Variants in TMEM121 observed in about 807,000 individuals in gnomAD.
TMEM121 encodes transmembrane protein 121A.
Under a neutral mutation model 16.4 loss-of-function variants are expected in TMEM121, and 8 were observed. That is an observed-to-expected ratio of 0.49 (90% CI 0.29 to 0.88). The LOEUF (loss-of-function observed/expected upper bound fraction) is 0.88, where lower values mean the gene tolerates loss of function less well. Ranked by LOEUF, TMEM121 falls within the 40% of genes least tolerant of loss-of-function variation. The pLI, the probability that TMEM121 is intolerant of heterozygous loss-of-function variation, is 0.09. For synonymous variants in TMEM121, 235 were observed against 226.2 expected (o/e 1.04, Z -0.35); for missense variants, 401 against 462.0 (o/e 0.87, Z 1.21).
chr14:105,529,302 C>T lies in TMEM121; in HGVS notation c.468C>T (p.Asp156=), dbSNP rs199985323. The T allele has an allele frequency of 1.8e-5, 27 of 1,538,718 alleles. No individual in the cohort carries two copies. The East Asian group carries it at 6.4e-4, about 36-fold the overall frequency. The change falls in exon 2 of 2, where the codon GAC becomes GAT. Residue 156 remains aspartate (D), a synonymous_variant. Coordinates refer to ENST00000392519, the MANE Select transcript of TMEM121 (RefSeq NM_025268.4). ...GCCGCCTGTTTTGGGTGGCGCTGGACCTGCTGGACCTGCTGGACATGCAGG... is the reference window on the plus strand; with the variant it reads ...GCCGCCTGTTTTGGGTGGCGCTGGATCTGCTGGACCTGCTGGACATGCAGG... The part of the protein sequence containing the change: ...LRGRLFWVAL[D]LLDLLDMQAS...
In TMEM121 at chr14:105,529,054, T is replaced by C. The variant is rs2084614386; in HGVS notation, c.220T>C (p.Tyr74His). Reference protein sequence around the residue: ...GAEVRTAKRGYAMILWFLYIF... With the variant: ...GAEVRTAKRGHAMILWFLYIF... ...CGAGGTGCGCACGGCCAAGCGCGGC[T>C]ACGCCATGATCCTGTGGTTCCTTTA... Residue 74 changes from tyrosine (Y) to histidine (H), a missense_variant, in exon 2 of 2, where the codon TAC (tyrosine) becomes CAC (histidine). Physicochemically the swap from Tyr to His is moderately conservative, Grantham distance 83. Transcript: ENST00000392519. 2 of 1,612,478 alleles carry C rather than the reference T, an allele frequency of 1.2e-6. 1 individual carries two copies. The highest frequency in any genetic ancestry group is 4.5e-5 in the East Asian group (2 of 44,844).
chr14:105,529,814 G>T lies in TMEM121; in HGVS notation c.*20G>T, dbSNP rs2084629047. On this transcript the variant is annotated 3_prime_UTR_variant, in exon 2 of 2. Transcript: ENST00000392519. The stretch of plus-strand genomic sequence containing the variant: ...ACGTGACAGGGCCCGCGCGGCCCCC[G>T]ACACGCCCCTGGGGCGCAGAGACAC... The T allele has an allele frequency of 1.4e-6, 2 of 1,403,156 alleles. No individual in the cohort carries two copies. The highest frequency in any genetic ancestry group is 1.5e-5 in the African/African-American group (1 of 65,554). 86.9% of individuals were successfully genotyped at this position (1,403,156 alleles called of 1,614,324 possible).
At position 105,529,890 on chromosome 14, in the gene TMEM121, C is replaced by A; in HGVS notation, c.*96C>A. 1 of 1,230,864 alleles carries A rather than the reference C, an allele frequency of 8.1e-7. No homozygotes were observed. Among genetic ancestry groups the A allele is most frequent in the Non-Finnish European group, 1.1e-6 (1 of 943,180 alleles). 76.2% of individuals were successfully genotyped at this position (1,230,864 alleles called of 1,614,324 possible). ...GCATGGGATGGGGTGGGGGCGGGCTCCCCTAGGGACAGGTGCCTCGAGTGC... is the reference window on the plus strand; with the variant it reads ...GCATGGGATGGGGTGGGGGCGGGCTACCCTAGGGACAGGTGCCTCGAGTGC... On this transcript the variant is annotated 3_prime_UTR_variant, in exon 2 of 2. Coordinates refer to ENST00000392519, the MANE Select transcript of TMEM121 (RefSeq NM_025268.4).
At position 105,526,599 on chromosome 14, in the gene TMEM121, C is replaced by A. The variant is rs1253108238; in HGVS notation, c.-168C>A. ...GGAGCCGGCGCGGCCCCGGCAGTGG[C>A]GGCAGAGGCTGGGCGGGCGGGCCCG... On this transcript the variant is annotated 5_prime_UTR_variant, in exon 1 of 2. Coordinates refer to ENST00000392519, the MANE Select transcript of TMEM121 (RefSeq NM_025268.4). The surrounding 1 kb of genome is among the most constrained non-coding windows in gnomAD (Gnocchi z 6.8). 4 of 136,926 alleles carry A rather than the reference C, an allele frequency of 2.9e-5. No homozygotes were observed. The East Asian group carries it at 9.7e-4, about 33-fold the overall frequency. 8.5% of individuals were successfully genotyped at this position (136,926 alleles called of 1,614,324 possible).
rs1208856804 is a variant in TMEM121, at chr14:105,528,725, T to G, written c.-110T>G. The G allele has an allele frequency of 1.9e-6, 2 of 1,081,062 alleles. No homozygotes were observed. Among genetic ancestry groups the G allele is most frequent in the Non-Finnish European group, 1.1e-6 (1 of 877,372 alleles). 67.0% of individuals were successfully genotyped at this position (1,081,062 alleles called of 1,614,324 possible). ...TTGTCTCCTCCGGTCTCCCCAGGTT[T>G]CGAGCTCGCCGGGCCGTGTCGCGCC... is the stretch of plus-strand genomic sequence containing the variant. On this transcript the variant is annotated 5_prime_UTR_variant, in exon 2 of 2. Coordinates refer to ENST00000392519, the MANE Select transcript of TMEM121 (RefSeq NM_025268.4).
chr14:105,527,409 A>G (rs2084597209), intron 1 of TMEM121: 1 of 152,314 alleles, frequency 6.6e-6, no homozygotes, highest in African/African-American at 2.4e-5. Context: ...CCTGGGTCAG[A>G]CGTGTAGATC....
chr14:105,529,445 T>C lies in TMEM121; in HGVS notation c.611T>C (p.Met204Thr), dbSNP rs782587530. ...LPCVALSEVS[M>T]QGEHIAPQKM... ...TGCGTGGCGCTCAGCGAGGTCAGCA[T>C]GCAGGGCGAGCACATAGCGCCGCAG... The change falls in exon 2 of 2, where the codon ATG becomes ACG. Residue 204 changes from methionine (M) to threonine (T), a missense_variant. Transcript: ENST00000392519. 3.9e-6 allele frequency: 6 copies of C among 1,546,382 alleles called. No individual in the cohort carries two copies. The highest frequency in any genetic ancestry group is 5.2e-6 in the Non-Finnish European group (6 of 1,146,892).
In TMEM121 at chr14:105,528,902, C is replaced by T; in HGVS notation, c.68C>T (p.Ala23Val). ...ACGCTGGTGATCATGGGCAGCATGG[C>T]CGTCATGGACGCGTACCTGGTGGAG... is the stretch of plus-strand genomic sequence containing the variant. ...LTTLVIMGSM[A>V]VMDAYLVEQN... The change falls in exon 2 of 2, where the codon GCC (alanine) becomes GTC (valine). Residue 23 changes from alanine (A) to valine (V), a missense_variant. Coordinates refer to ENST00000392519, the MANE Select transcript of TMEM121 (RefSeq NM_025268.4). 2 of 1,567,430 alleles carry T rather than the reference C, an allele frequency of 1.3e-6. No individual in the cohort carries two copies. Among genetic ancestry groups the T allele is most frequent in the South Asian group, 1.2e-5 (1 of 85,672 alleles).
rs2084614904 is a variant in TMEM121 at position 105,529,108 on chromosome 14, T to G, written c.274T>G (p.Phe92Val). Residue 92 changes from phenylalanine to valine, a missense_variant, in exon 2 of 2, where the codon TTC becomes GTC. Transcript: ENST00000392519. ...CTTCGTGCTGGAGATCAAGCTCTACTTCATCTTCCAGAACTACAAGGCGGC... is the reference window on the plus strand; with the variant it reads ...CTTCGTGCTGGAGATCAAGCTCTACGTCATCTTCCAGAACTACAAGGCGGC... Reference protein sequence around the residue: ...YIFVLEIKLYFIFQNYKAARR... With the variant: ...YIFVLEIKLYVIFQNYKAARR... 6.2e-7 allele frequency: 1 copy of G among 1,611,062 alleles called. No individual in the cohort carries two copies. The highest frequency in any genetic ancestry group is 1.1e-5 in the South Asian group (1 of 91,050).
chr14:105,527,241 G>GGT (rs2084595842), intron 1 of TMEM121: 1 of 152,326 alleles, frequency 6.6e-6, no homozygotes, highest in African/African-American at 2.4e-5. Flanking sequence ...GCGTAGTGGG[G>GGT]CGGAGGGGCT....
Position 105,529,984 on chromosome 14 carries a change from G to A in TMEM121, c.*190G>A. On this transcript the variant is annotated 3_prime_UTR_variant, in exon 2 of 2. Transcript: ENST00000392519. ...CTCGGACCGCGGATCCTCAGCCCCC[G>A]CTCCACCAGCCCGCCCCAGCGCGTG... 1.8e-6 allele frequency: 1 copy of A among 571,404 alleles called. No homozygotes were observed. Among genetic ancestry groups the A allele is most frequent in the Non-Finnish European group, 2.9e-6 (1 of 342,674 alleles). 35.4% of individuals were successfully genotyped at this position (571,404 alleles called of 1,614,324 possible). A position where few individuals can be genotyped will look rare whatever the true frequency, so the allele number is the denominator to read the frequency against.
At chr14:105,528,091 G>T (rs1374858940) in intron 1 of TMEM121, among the ~76,000 whole-genome samples, 5 of 151,802 alleles carry the variant, frequency 3.3e-5, no homozygotes, top group Non-Finnish European at 7.4e-5. Flanking sequence ...CAGTGGCCAC[G>T]CGCCCAGGAT....
Position 105,528,703 on chromosome 14 carries a change from T to A in TMEM121, c.-113-19T>A, listed in dbSNP as rs2084610085. The A allele has an allele frequency of 1.1e-6, 1 of 902,534 alleles. No individual in the cohort carries two copies. The highest frequency in any genetic ancestry group is 5.0e-5 in the Admixed American group (1 of 20,042). 55.9% of individuals were successfully genotyped at this position (902,534 alleles called of 1,614,324 possible). On this transcript the variant is annotated intron_variant, in intron 1 of 1. Coordinates refer to ENST00000392519, the MANE Select transcript of TMEM121 (RefSeq NM_025268.4). ...CGCTCCAGCCCGCACCCTGATCTTG[T>A]CTCCTCCGGTCTCCCCAGGTTTCGA...
rs1268960472 is a variant in TMEM121, at chr14:105,528,820, G to A, written c.-15G>A. ...GGGGGCCGCGCGCGCCCAGGCCGGGGCCCGGCGGCCGACCATGGTGCTGCC... is the reference window on the plus strand; with the variant it reads ...GGGGGCCGCGCGCGCCCAGGCCGGGACCCGGCGGCCGACCATGGTGCTGCC... On this transcript the variant is annotated 5_prime_UTR_variant, in exon 2 of 2. Coordinates refer to ENST00000392519, the MANE Select transcript of TMEM121 (RefSeq NM_025268.4). 59 of 1,465,918 alleles carry A rather than the reference G, an allele frequency of 4.0e-5. No homozygotes were observed. The highest frequency in any genetic ancestry group is 4.9e-5 in the Non-Finnish European group (55 of 1,111,722). The allele number at this position is 1,465,918 out of a possible 1,614,324, so 90.8% of individuals were successfully genotyped here.
At chr14:105,527,720 G>A (rs1389218292) in intron 1 of TMEM121, among the ~76,000 whole-genome samples, 1 of 151,930 alleles carries the variant, frequency 6.6e-6, no homozygotes, top group Non-Finnish European at 1.5e-5. Flanking sequence ...GTCTAGACAC[G>A]GCAGTAAACG....
chr14:105,526,978 C>A lies in TMEM121; in HGVS notation c.-114+325C>A, dbSNP rs1302063624. 1 of 152,238 alleles carries A rather than the reference C, an allele frequency of 6.6e-6. No individual in the cohort carries two copies. The highest frequency in any genetic ancestry group is 6.5e-5 in the Admixed American group (1 of 15,286). 9.4% of individuals were successfully genotyped at this position (152,238 alleles called of 1,614,324 possible). ...ATGGGGCGAGGGTCCTTGCGGGGCC[C>A]GGGCAGTGAAGGGCCTGGAGGCCCC... On this transcript the variant is annotated intron_variant, in intron 1 of 1. Transcript: ENST00000392519. The surrounding 1 kb of genome is among the most constrained non-coding windows in gnomAD (Gnocchi z 6.8).
chr14:105,529,662 G>A lies in TMEM121; in HGVS notation c.828G>A (p.Pro276=), dbSNP rs1555444327. 1.9e-6 allele frequency: 3 copies of A among 1,572,652 alleles called. No homozygotes were observed. The highest frequency in any genetic ancestry group is 1.8e-5 in the Admixed American group (1 of 56,112). The change falls in exon 2 of 2, where the codon CCG becomes CCA. Residue 276 remains proline, a synonymous_variant. Coordinates refer to ENST00000392519, the MANE Select transcript of TMEM121 (RefSeq NM_025268.4). ...EYRRQVRDFP[P]PALSLELQPP... is the part of the protein sequence containing the mutation. ...GCCGCCAGGTGCGCGACTTCCCGCC[G>A]CCTGCGCTATCACTGGAGCTGCAGC...
At chr14:105,528,350 G>A (rs777948576) in intron 1 of TMEM121, among the ~76,000 whole-genome samples, 1 of 152,082 alleles carries the variant, frequency 6.6e-6, no homozygotes, top group Non-Finnish European at 1.5e-5. Context: ...CCGCGGAAAC[G>A]GCCTGAGGCC....
Position 105,529,802 on chromosome 14 carries a change from C to G in TMEM121, c.*8C>G. 1 of 1,410,760 alleles carries G rather than the reference C, an allele frequency of 7.1e-7. No individual in the cohort carries two copies. The highest frequency in any genetic ancestry group is 9.1e-7 in the Non-Finnish European group (1 of 1,094,604). 87.4% of individuals were successfully genotyped at this position (1,410,760 alleles called of 1,614,324 possible). On this transcript the variant is annotated 3_prime_UTR_variant, in exon 2 of 2. Transcript: ENST00000392519. Reference sequence around the variant, plus strand: ...GACCCCCTGGACACGTGACAGGGCCCGCGCGGCCCCCGACACGCCCCTGGG... The same window carrying G: ...GACCCCCTGGACACGTGACAGGGCCGGCGCGGCCCCCGACACGCCCCTGGG...
Sources: gnomAD v4.1 joint callset for allele counts (sites outside exome capture counted in the v4.1 genomes callset) on GRCh38, gnomAD v4.1.1 for gene constraint, Gnocchi (gnomAD v3.1) non-coding constraint, MANE v1.5 for transcripts, NCBI Gene and HGNC (gene_info 2026-07-23, HGNC 2026-07-21) for gene names.